The following CDC42BPA variants were observed in gnomAD, a reference collection of about 807,000 sequenced individuals.
CDC42BPA encodes the protein CDC42 binding protein kinase alpha, also known as serine/threonine-protein kinase MRCK alpha.
Under a neutral mutation model 223.5 loss-of-function variants are expected in CDC42BPA, and 80 were observed. The ratio of observed to expected loss-of-function variants is 0.36; its 90% CI spans 0.30 to 0.43. The LOEUF (loss-of-function observed/expected upper bound fraction) is 0.43, where lower values mean the gene tolerates loss of function less well. Among genes scored for constraint, CDC42BPA ranks in the 20% least tolerant of loss-of-function variants. CDC42BPA has a pLI of 1.00. For synonymous variants in CDC42BPA, 694 were observed against 718.6 expected (o/e 0.97, Z 0.55); for missense variants, 1,743 against 2,099.9 (o/e 0.83, Z 3.32).
intron 5 of CDC42BPA, among the ~76,000 whole-genome samples, chr1:227,165,228 C>A (rs561132134): frequency 7.2e-5 from 11 of 152,182 alleles, no homozygotes; most frequent in South Asian, 6.2e-4. Context: ...AAGGTAGAAA[C>A]TCACAAGTGA....
chr1:227,236,815 C>T (rs894226175), intron 2 of CDC42BPA, among the ~76,000 whole-genome samples: 1 of 152,014 alleles, frequency 6.6e-6, no homozygotes, highest in African/African-American at 2.4e-5. Flanking sequence ...TGCCTGTAAT[C>T]CCAGCACTTT....
At chr1:227,121,202 GC>G (rs1225630063) in intron 11 of CDC42BPA, among the ~76,000 whole-genome samples, 2 of 152,112 alleles carry the variant, frequency 1.3e-5, no homozygotes, top group African/African-American at 4.8e-5. Flanking sequence ...AGAATCTCAA[GC>G]CCCAGTCAAG....
At chr1:227,021,516 T>A (rs141364696) in intron 32 of CDC42BPA, among the ~76,000 whole-genome samples, 2 of 152,286 alleles carry the variant, frequency 1.3e-5, no homozygotes, top group East Asian at 3.9e-4. Context: ...CCAAGAAACC[T>A]CTGGTTCCAA....
At chr1:227,204,027 T>C (rs1039968029) in intron 3 of CDC42BPA, among the ~76,000 whole-genome samples, 10 of 152,196 alleles carry the variant, frequency 6.6e-5, no homozygotes, top group African/African-American at 1.9e-4. Context: ...TATATCTACT[T>C]TGGCTTATCA....
At chr1:227,062,110 C>T (rs766949623) in intron 21 of CDC42BPA, among the ~76,000 whole-genome samples, 3 of 152,108 alleles carry the variant, frequency 2.0e-5, no homozygotes, top group Non-Finnish European at 4.4e-5. Context: ...GAAACATAGA[C>T]CCTTATTCTG....
At chr1:227,186,761 T>C (rs1419033789) in intron 5 of CDC42BPA, among the ~76,000 whole-genome samples, 3 of 152,156 alleles carry the variant, frequency 2.0e-5, no homozygotes, top group Non-Finnish European at 2.9e-5. Flanking sequence ...ATGTGAGGCA[T>C]GCAAAATTTA....
chr1:227,275,199 AGACATAACTCT>A (rs1686709630), intron 1 of CDC42BPA, among the ~76,000 whole-genome samples: 1 of 145,286 alleles, frequency 6.9e-6, no homozygotes, highest in African/African-American at 2.6e-5. Context: ...TTGGAAATTA[AGACATAACTCT>A]AAACAATTCA....
chr1:227,230,820 C>CT lies in CDC42BPA; in HGVS notation c.271-17602dup, dbSNP rs1198828997. ...ATTTCTATTTCTTTTTTCTTTCTTT[C>CT]TTTTTTTTTTTTTTTTTTTGAGACA... On this transcript the variant is annotated intron_variant, in intron 2 of 36. Coordinates refer to ENST00000366766, the MANE Select transcript of CDC42BPA (RefSeq NM_001394014.1). Among the ~76,000 whole-genome samples, 197 of 91,588 alleles carry CT rather than the reference C, an allele frequency of 2.2e-3. 6 individuals carry two copies. The highest frequency in any genetic ancestry group is 8.6e-3 in the Middle Eastern group (1 of 116). 60.1% of individuals were successfully genotyped at this position (91,588 alleles called of 152,430 possible).
chr1:227,112,981 A>G (rs1005041252), intron 12 of CDC42BPA, 68 bp from the exon 13 acceptor site: 1 of 1,516,314 alleles, frequency 6.6e-7, no homozygotes, highest in African/African-American at 1.4e-5. Flanking sequence ...GGCCATCAGA[A>G]TAGCTATCAT....
At chr1:227,057,818 A>T (rs12129695) in intron 21 of CDC42BPA, among the ~76,000 whole-genome samples, 1 of 152,114 alleles carries the variant, frequency 6.6e-6, no homozygotes, top group Admixed American at 6.5e-5. Flanking sequence ...TCCCTCCAAA[A>T]TTTTTTTCTT....
rs746820234 is a variant in CDC42BPA at position 227,074,352 on chromosome 1, T to C, written c.2493A>G (p.Glu831=). Residue 831 remains glutamate (E), a synonymous_variant, in exon 18 of 37, where the codon GAA becomes GAG. Transcript: ENST00000366766. ...CCTGAAGATACCCTCGTGCATCCTTTTCATCGCTGACCCTAGAATATATAA... is the reference window on the plus strand; with the variant it reads ...CCTGAAGATACCCTCGTGCATCCTTCTCATCGCTGACCCTAGAATATATAA... ...ITEIIQWVSD[E]KDARGYLQAL... 1.2e-6 allele frequency: 2 copies of C among 1,612,310 alleles called. No homozygotes were observed. The highest frequency in any genetic ancestry group is 3.3e-5 in the Admixed American group (2 of 59,932).
At chr1:227,177,151 A>G (rs906018544) in intron 5 of CDC42BPA, among the ~76,000 whole-genome samples, 3 of 151,620 alleles carry the variant, frequency 2.0e-5, no homozygotes, top group Non-Finnish European at 4.4e-5. Flanking sequence ...ATATATATAC[A>G]GTATTTCATA....
At chr1:227,295,819 G>A (rs1490355743) in intron 1 of CDC42BPA, among the ~76,000 whole-genome samples, 4 of 152,148 alleles carry the variant, frequency 2.6e-5, no homozygotes, top group Non-Finnish European at 4.4e-5. Context: ...CAGCAGACGG[G>A]AATAAAGTGG....
At chr1:227,120,171 G>GAA (rs75557950) in intron 11 of CDC42BPA, among the ~76,000 whole-genome samples, 1 of 126,298 alleles carries the variant, frequency 7.9e-6, no homozygotes. Flanking sequence ...TACTCATTAG[G>GAA]AAAAAAAAAA....
Position 227,040,217 on chromosome 1 carries a change from A to T in CDC42BPA, c.3113T>A (p.Phe1038Tyr). 1.2e-6 allele frequency: 2 copies of T among 1,611,814 alleles called. No individual in the cohort carries two copies. The highest frequency in any genetic ancestry group is 1.7e-6 in the Non-Finnish European group (2 of 1,178,048). ...FPPKRKTHQF[F>Y]VKSFTTPTKC... ...GGTAGGAGTAGTAAAAGATTTTACA[A>T]AAAACTGGTGAGTCTTGCGCTGCAA... Residue 1038 changes from phenylalanine (F) to tyrosine (Y), a missense_variant, in exon 24 of 37, where the codon TTT (phenylalanine) becomes TAT (tyrosine). This residue lies in a region of CDC42BPA where 678 missense variants were observed against 777.5 expected (regional missense o/e 0.87). Transcript: ENST00000366766.
At chr1:226,997,385 C>A (rs1306042826) in intron 35 of CDC42BPA, among the ~76,000 whole-genome samples, 1 of 152,086 alleles carries the variant, frequency 6.6e-6, no homozygotes. Context: ...TTTTGTTAAT[C>A]TTTTCAAAAA....
chr1:227,187,838 A>G (rs948133495), intron 5 of CDC42BPA, among the ~76,000 whole-genome samples: 1 of 151,810 alleles, frequency 6.6e-6, no homozygotes, highest in Non-Finnish European at 1.5e-5. Flanking sequence ...CTTAAAAATC[A>G]TGCAAGTAAG....
At chr1:227,297,967 T>TATATATATATATATATACACAC (rs369403944) in intron 1 of CDC42BPA, among the ~76,000 whole-genome samples, 3 of 132,078 alleles carry the variant, frequency 2.3e-5, no homozygotes, top group Admixed American at 7.5e-5. Flanking sequence ...TATATACATA[T>TATATATATATATATATACACAC]ACACACACAC....
intron 1 of CDC42BPA, among the ~76,000 whole-genome samples, chr1:227,281,204 A>G (rs1380401182): frequency 2.6e-5 from 4 of 152,248 alleles, no homozygotes; most frequent in Non-Finnish European, 5.9e-5. Context: ...TAAAGAAAGA[A>G]AAAGGCAGTC....
Sources: allele counts gnomAD v4.1 joint callset (sites outside exome capture counted in the v4.1 genomes callset), GRCh38; gene constraint gnomAD v4.1.1; regional missense constraint gnomAD v4.1.1; transcripts MANE v1.5; gene names NCBI Gene and HGNC (gene_info 2026-07-23, HGNC 2026-07-21).